Variants in MFAP3L observed in about 807,000 individuals in gnomAD.
MFAP3L encodes the protein microfibrillar-associated protein 3-like.
Under a neutral mutation model 20.0 loss-of-function variants are expected in MFAP3L, and 5 were observed. That is an observed-to-expected ratio of 0.25 (90% CI 0.13 to 0.53). The LOEUF (loss-of-function observed/expected upper bound fraction) is 0.53, where lower values mean the gene tolerates loss of function less well. Ranked by LOEUF, MFAP3L falls within the 20% of genes least tolerant of loss-of-function variation. The pLI is 0.96. For missense variants in MFAP3L, 409 were observed against 527.5 expected (o/e 0.78, Z 2.20); for synonymous variants, 219 against 213.0 (o/e 1.03, Z -0.25).
chr4:170,010,813 G>GGC (rs1554000968), intron 1 of MFAP3L, among the ~76,000 whole-genome samples: 6 of 151,770 alleles, frequency 4.0e-5, no homozygotes, highest in African/African-American at 1.5e-4. Flanking sequence ...CATTGCGGGG[G>GGC]GGTGGGTGCC....
intron 1 of MFAP3L, among the ~76,000 whole-genome samples, chr4:170,022,047 T>G (rs1283310438): frequency 6.6e-6 from 1 of 152,222 alleles, no homozygotes; most frequent in East Asian, 1.9e-4. Flanking sequence ...CTTGCTCACG[T>G]GTGCATGGTA....
intron 2 of MFAP3L, among the ~76,000 whole-genome samples, chr4:169,996,505 G>A (rs1251731000): frequency 6.6e-6 from 1 of 152,030 alleles, no homozygotes; most frequent in African/African-American, 2.4e-5. Flanking sequence ...TGGCATCTGG[G>A]AGGGACTGAA....
chr4:170,009,934 C>A (rs964834895), intron 1 of MFAP3L, among the ~76,000 whole-genome samples: 9 of 152,220 alleles, frequency 5.9e-5, no homozygotes, highest in Non-Finnish European at 1.3e-4. Context: ...ATTGCCCCAA[C>A]TACTCTGATG....
chr4:170,022,832 A>G (rs1290256546), intron 1 of MFAP3L, among the ~76,000 whole-genome samples: 2 of 152,182 alleles, frequency 1.3e-5, no homozygotes, highest in Non-Finnish European at 2.9e-5. Flanking sequence ...ATTCTCCCCT[A>G]GGGCTTCCCA....
chr4:170,005,023 A>T (rs929791031), intron 2 of MFAP3L: 1 of 153,230 alleles, frequency 6.5e-6, no homozygotes, highest in African/African-American at 2.4e-5. Context: ...AAAACCAAGC[A>T]GTCTCCTGTT....
chr4:170,026,364 G>C lies in MFAP3L; in HGVS notation c.-264C>G. ...CTGCGGGCGAGCCGCCTCCGCCGGC[G>C]CCTCACAGCGTTGCGAGCTGCGCCG... is the stretch of plus-strand genomic sequence containing the variant. On this transcript the variant is annotated 5_prime_UTR_variant, in exon 1 of 3. Coordinates refer to ENST00000361618, the MANE Select transcript of MFAP3L (RefSeq NM_021647.8). The C allele has an allele frequency of 4.6e-6, 4 of 865,454 alleles. No individual in the cohort carries two copies. The highest frequency in any genetic ancestry group is 5.5e-6 in the Non-Finnish European group (4 of 721,394). 53.6% of individuals were successfully genotyped at this position (865,454 alleles called of 1,614,324 possible). A position where few individuals can be genotyped will look rare whatever the true frequency, so the allele number is the denominator to read the frequency against.
At chr4:169,997,170 C>T (rs1177585505) in intron 2 of MFAP3L, among the ~76,000 whole-genome samples, 1 of 151,966 alleles carries the variant, frequency 6.6e-6, no homozygotes, top group Non-Finnish European at 1.5e-5. Flanking sequence ...TTATGTGATA[C>T]ATAAAAATAA....
At chr4:170,009,382 C>CAAA (rs1443046929) in intron 1 of MFAP3L, among the ~76,000 whole-genome samples, 6 of 60,830 alleles carry the variant, frequency 9.9e-5, no homozygotes, top group East Asian at 4.0e-4. Context: ...GACGCTGTCT[C>CAAA]AAAAAAAAAA....
intron 1 of MFAP3L, among the ~76,000 whole-genome samples, chr4:170,009,314 C>T (rs912721174): frequency 3.4e-5 from 5 of 145,068 alleles, no homozygotes; most frequent in Non-Finnish European, 4.5e-5. Context: ...ACCCAGGAGG[C>T]GGAGGTTACA....
intron 2 of MFAP3L, among the ~76,000 whole-genome samples, chr4:170,002,521 GT>G (rs1738709689): frequency 2.0e-5 from 3 of 151,344 alleles, no homozygotes; most frequent in East Asian, 1.9e-4. Context: ...TCTTTTTTTT[GT>G]TTTTTTCAGA....
intron 1 of MFAP3L, among the ~76,000 whole-genome samples, chr4:170,009,765 A>G (rs556783484): frequency 1.3e-5 from 2 of 152,356 alleles, no homozygotes; most frequent in South Asian, 2.1e-4. Flanking sequence ...AATGTTTAAT[A>G]AAATGCTTTG....
At chr4:170,008,723 C>A (rs17660359) in intron 1 of MFAP3L, among the ~76,000 whole-genome samples, 6,460 of 152,206 alleles carry the variant, frequency 0.042, 389 homozygotes, top group East Asian at 0.22. Context: ...AGGGTAGAAA[C>A]TTCTAGTCCT....
chr4:170,005,241 G>A (rs1738953504), intron 2 of MFAP3L: 1 of 348,404 alleles, frequency 2.9e-6, no homozygotes, highest in South Asian at 8.3e-5. Flanking sequence ...CCATCTCCAT[G>A]AAAGAAAACA....
chr4:170,004,906 C>A (rs1263018952), intron 2 of MFAP3L: 1 of 152,342 alleles, frequency 6.6e-6, no homozygotes, highest in Non-Finnish European at 1.5e-5. Context: ...TTACTTCTCG[C>A]ATCTAAAACA....
At chr4:170,026,860 C>G (rs552536626), upstream of MFAP3L, 1 of 152,424 alleles carries the variant, frequency 6.6e-6, no homozygotes, top group East Asian at 1.9e-4. Flanking sequence ...CCAAGCCTAC[C>G]CTGTCTCCTT....
intron 1 of MFAP3L, among the ~76,000 whole-genome samples, chr4:170,015,193 G>T (rs1739621163): frequency 6.6e-6 from 1 of 152,210 alleles, no homozygotes; most frequent in Non-Finnish European, 1.5e-5. Flanking sequence ...AGCTGGGAGT[G>T]AGGATACTTA....
intron 2 of MFAP3L, among the ~76,000 whole-genome samples, chr4:170,004,374 A>C (rs1255524117): frequency 6.6e-6 from 1 of 152,054 alleles, no homozygotes; most frequent in Non-Finnish European, 1.5e-5. Context: ...TAAAAGTTCG[A>C]CTCTCCTAGG....
At chr4:169,995,315 G>T (rs978713134) in intron 2 of MFAP3L, among the ~76,000 whole-genome samples, 1 of 152,166 alleles carries the variant, frequency 6.6e-6, no homozygotes, top group African/African-American at 2.4e-5. Flanking sequence ...GTGTACGTCT[G>T]TATTCCCCCA....
rs1203483036 is a variant in MFAP3L at position 169,987,108 on chromosome 4, C to T, written c.*4270G>A. The T allele has an allele frequency of 1.3e-5, 2 of 152,140 alleles. No individual in the cohort carries two copies. Among genetic ancestry groups the T allele is most frequent in the Non-Finnish European group, 2.9e-5 (2 of 68,006 alleles). The allele number at this position is 152,140 out of a possible 1,614,324, so 9.4% of individuals were successfully genotyped here. A position where few individuals can be genotyped will look rare whatever the true frequency, so the allele number is the denominator to read the frequency against. Reference sequence around the variant, plus strand: ...TCTTCGTGAATAAAAGATAAATGCTCAGTCCTTTGGAAAATATAATAAGCA... The same window carrying T: ...TCTTCGTGAATAAAAGATAAATGCTTAGTCCTTTGGAAAATATAATAAGCA... On this transcript the variant is annotated 3_prime_UTR_variant, in exon 3 of 3. Transcript: ENST00000361618.
Sources: gnomAD v4.1 joint callset for allele counts (sites outside exome capture counted in the v4.1 genomes callset) on GRCh38, gnomAD v4.1.1 for gene constraint, MANE v1.5 for transcripts, NCBI Gene and HGNC (gene_info 2026-07-23, HGNC 2026-07-21) for gene names.